Variants in EPB41L2 observed in about 807,000 individuals in gnomAD.
EPB41L2 encodes band 4.1-like protein 2.
In EPB41L2, 43 loss-of-function variants were observed where a neutral mutation model predicts 113.0. The ratio of observed to expected loss-of-function variants is 0.38; its 90% CI spans 0.30 to 0.49. EPB41L2 has a LOEUF of 0.49. EPB41L2 is among the 20% of genes least tolerant of loss of function. EPB41L2 has a pLI of 0.95. For missense variants in EPB41L2, 1,147 were observed against 1,223.4 expected (o/e 0.94, Z 0.93); for synonymous variants, 442 against 436.7 (o/e 1.01, Z -0.15).
chr6:130,881,401 T>A (rs1341444854), intron 12 of EPB41L2: 2 of 152,170 alleles, frequency 1.3e-5, no homozygotes, highest in African/African-American at 4.8e-5. Context: ...AAGAAACATC[T>A]TCCAACTCCT....
At chr6:130,884,195 C>T (rs551352136) in intron 12 of EPB41L2, among the ~76,000 whole-genome samples, 62 of 151,986 alleles carry the variant, frequency 4.1e-4, no homozygotes, top group African/African-American at 1.4e-3. Flanking sequence ...TAGCCGGGCA[C>T]GTGGTGGCAG....
intron 14 of EPB41L2, chr6:130,872,518 T>C: frequency 7.8e-7 from 1 of 1,289,230 alleles, no homozygotes; most frequent in Non-Finnish European, 1.0e-6. Context: ...ACAAAATTGA[T>C]GTTATCTCCT....
chr6:130,909,584 G>A (rs551641077), intron 4 of EPB41L2, among the ~76,000 whole-genome samples: 14 of 152,344 alleles, frequency 9.2e-5, no homozygotes, highest in African/African-American at 3.4e-4. Context: ...TAGGAAGAAA[G>A]GAAGTCAAAT....
At chr6:131,025,345 AG>A (rs1790612539) in intron 1 of EPB41L2, among the ~76,000 whole-genome samples, 1 of 152,230 alleles carries the variant, frequency 6.6e-6, no homozygotes, top group African/African-American at 2.4e-5. Flanking sequence ...CAACATCCTA[AG>A]GAACTTACGG....
At chr6:130,886,206 G>A (rs1019670667) in intron 11 of EPB41L2, among the ~76,000 whole-genome samples, 14 of 152,328 alleles carry the variant, frequency 9.2e-5, no homozygotes, top group Non-Finnish European at 1.8e-4. Context: ...AGCTCTTGGA[G>A]GGCAGGATTG....
chr6:131,013,692 C>T (rs866289723), intron 1 of EPB41L2: 1 of 152,124 alleles, frequency 6.6e-6, no homozygotes, highest in Non-Finnish European at 1.5e-5. Context: ...CGTTCTCCCA[C>T]AAAAATGTAG....
At chr6:130,929,358 C>T (rs1164580938) in intron 3 of EPB41L2, among the ~76,000 whole-genome samples, 1 of 152,100 alleles carries the variant, frequency 6.6e-6, no homozygotes, top group South Asian at 2.1e-4. Context: ...GTTTATAGAG[C>T]TTACTTTTTA....
chr6:130,915,057 A>G (rs1427644649), intron 4 of EPB41L2, among the ~76,000 whole-genome samples: 1 of 152,032 alleles, frequency 6.6e-6, no homozygotes, highest in Non-Finnish European at 1.5e-5. Flanking sequence ...TAATCCCAGC[A>G]CTTTGGGAGG....
chr6:130,882,825 G>C (rs1789747409), intron 12 of EPB41L2: 1 of 152,784 alleles, frequency 6.5e-6, no homozygotes, highest in South Asian at 2.1e-4. Context: ...AAGCCGGAGG[G>C]AAAACATTTG....
chr6:131,047,654 G>A (rs1322921776), intron 1 of EPB41L2, among the ~76,000 whole-genome samples: 1 of 152,188 alleles, frequency 6.6e-6, no homozygotes, highest in African/African-American at 2.4e-5. Context: ...TTTAAGGCAT[G>A]TACCTTCCCC....
intron 4 of EPB41L2, among the ~76,000 whole-genome samples, chr6:130,922,528 G>C (rs920778202): frequency 6.6e-6 from 1 of 152,076 alleles, no homozygotes; most frequent in African/African-American, 2.4e-5. Flanking sequence ...GCCTGAATTT[G>C]AATCTTATCA....
At chr6:130,937,821 G>GAAAAAAAAAAAAAAAAAAA (rs66505919) in intron 3 of EPB41L2, among the ~76,000 whole-genome samples, 1 of 129,816 alleles carries the variant, frequency 7.7e-6, no homozygotes, top group Admixed American at 7.4e-5. Context: ...ATCTCAAAAA[G>GAAAAAAAAAAAAAAAAAAA]AAAAAAAAAA....
chr6:130,966,891 C>T (rs1775359514), intron 1 of EPB41L2, among the ~76,000 whole-genome samples: 1 of 152,090 alleles, frequency 6.6e-6, no homozygotes, highest in Non-Finnish European at 1.5e-5. Context: ...CTTTGGATTT[C>T]CTAGCGTATG....
chr6:130,991,260 C>G (rs534188966), intron 1 of EPB41L2, among the ~76,000 whole-genome samples: 73 of 152,226 alleles, frequency 4.8e-4, no homozygotes, highest in Admixed American at 1.3e-4. Flanking sequence ...GTAATGTGTA[C>G]CCCCACAGCT....
At chr6:131,004,904 G>C (rs1369610963) in intron 1 of EPB41L2, among the ~76,000 whole-genome samples, 1 of 152,160 alleles carries the variant, frequency 6.6e-6, no homozygotes. Context: ...ACAGGAACTA[G>C]ACTCTTCACC....
At chr6:131,021,420 C>T (rs569487248) in intron 1 of EPB41L2, among the ~76,000 whole-genome samples, 2 of 152,142 alleles carry the variant, frequency 1.3e-5, no homozygotes, top group Non-Finnish European at 2.9e-5. Flanking sequence ...GGGAAGCAAG[C>T]AAGGTATACA....
At position 130,929,857 on chromosome 6, in the gene EPB41L2, T is replaced by TCACACACACACACACA. The variant is rs140350248; in HGVS notation, c.706-3164_706-3149dup. Among the ~76,000 whole-genome samples the TCACACACACACACACA allele has an allele frequency of 1.4e-3, 169 of 123,424 alleles. 2 individuals carry two copies. Among genetic ancestry groups the TCACACACACACACACA allele is most frequent in the African/African-American group, 1.3e-3 (44 of 34,262 alleles). The allele number at this position is 123,424 out of a possible 152,430, so 81.0% of individuals were successfully genotyped here. On this transcript the variant is annotated intron_variant, in intron 3 of 19. Coordinates refer to ENST00000337057, the MANE Select transcript of EPB41L2 (RefSeq NM_001431.4). The stretch of plus-strand genomic sequence containing the variant: ...GGGAGATTAAATACAAGACAGACAG[T>TCACACACACACACACA]CACACACACACACACACACACACAC...
intron 1 of EPB41L2, among the ~76,000 whole-genome samples, chr6:131,031,392 C>T (rs1000440486): frequency 4.0e-5 from 6 of 151,800 alleles, no homozygotes; most frequent in African/African-American, 9.7e-5. Context: ...CCAAAAAAGG[C>T]TCCAAGATAA....
chr6:130,847,344 T>C (rs763070352), intron 19 of EPB41L2, among the ~76,000 whole-genome samples: 9 of 152,238 alleles, frequency 5.9e-5, no homozygotes, highest in Non-Finnish European at 1.3e-4. Flanking sequence ...TCTTCAAATA[T>C]ACTATTTTTG....
Sources: gnomAD v4.1 joint callset for allele counts (sites outside exome capture counted in the v4.1 genomes callset) on GRCh38, gnomAD v4.1.1 for gene constraint, MANE v1.5 for transcripts, NCBI Gene and HGNC (gene_info 2026-07-23, HGNC 2026-07-21) for gene names.